INPP5A: variants seen among roughly 807,000 people sequenced by gnomAD.
INPP5A encodes inositol polyphosphate-5-phosphatase A.
In INPP5A, 14 loss-of-function variants were observed where a neutral mutation model predicts 65.2. The ratio of observed to expected loss-of-function variants is 0.21; its 90% confidence interval spans 0.14 to 0.34. The LOEUF (loss-of-function observed/expected upper bound fraction) is 0.34. Ranked by LOEUF, INPP5A falls within the 10% of genes least tolerant of loss-of-function variation. The probability of loss-of-function intolerance (pLI) is 1.00; values close to 1 mark genes in which losing one functional copy is unlikely to be tolerated. For synonymous variants in INPP5A, 207 were observed against 208.3 expected (o/e 0.99, Z 0.05); for missense variants, 431 against 545.6 (o/e 0.79, Z 2.09).
intron 2 of INPP5A, among the ~76,000 whole-genome samples, chr10:132,645,517 G>T (rs986251924): frequency 2.6e-5 from 4 of 152,248 alleles, no homozygotes; most frequent in African/African-American, 9.6e-5. Context: ...TGGTGAGATT[G>T]TGACCAGTTG....
At chr10:132,561,722 CCACACACACACACACACA>C (rs35335535) in intron 1 of INPP5A, among the ~76,000 whole-genome samples, 11 of 142,314 alleles carry the variant, frequency 7.7e-5, no homozygotes, top group African/African-American at 2.3e-4. Flanking sequence ...TTGTCAATTT[CCACACACACACACACACA>C]CACACACACA....
intron 4 of INPP5A, among the ~76,000 whole-genome samples, chr10:132,652,951 A>T (rs2133402488): frequency 6.6e-6 from 1 of 152,252 alleles, no homozygotes; most frequent in African/African-American, 2.4e-5. Context: ...GAGGCTCTGC[A>T]CCGCAGGAGG....
chr10:132,723,091 C>A (rs192992601), intron 8 of INPP5A, among the ~76,000 whole-genome samples: 4 of 152,152 alleles, frequency 2.6e-5, no homozygotes, highest in Non-Finnish European at 5.9e-5. Flanking sequence ...CAGAGCAGGG[C>A]GAGGAAGTGT....
chr10:132,755,688 G>T (rs115691890), intron 11 of INPP5A, among the ~76,000 whole-genome samples: 2 of 152,162 alleles, frequency 1.3e-5, no homozygotes, highest in Non-Finnish European at 2.9e-5. Context: ...GTGGGTGTGT[G>T]TGGGGGGTGG....
At chr10:132,577,210 C>T (rs1438237435) in intron 1 of INPP5A, among the ~76,000 whole-genome samples, 1 of 152,170 alleles carries the variant, frequency 6.6e-6, no homozygotes, top group Non-Finnish European at 1.5e-5. Flanking sequence ...GCCCTGAGTG[C>T]AGGTGGGTTG....
rs888484814 is a variant in INPP5A at position 132,616,303 on chromosome 10, G to C, written c.117+8347G>C. Among the ~76,000 whole-genome samples, 1 of 152,256 alleles carries C rather than the reference G, an allele frequency of 6.6e-6. No individual in the cohort carries two copies. The highest frequency in any genetic ancestry group is 1.5e-5 in the Non-Finnish European group (1 of 68,044). On this transcript the variant is annotated intron_variant, in intron 2 of 15. Transcript: ENST00000368594. The surrounding 1 kb of genome is among the most constrained non-coding windows in gnomAD (Gnocchi z 4.9). Reference sequence around the variant, plus strand: ...CCAAGGGAGGACCACAGTGGCAGATGTGCAGTGTGGGGCATGTGGCGTGCA... The same window carrying C: ...CCAAGGGAGGACCACAGTGGCAGATCTGCAGTGTGGGGCATGTGGCGTGCA...
chr10:132,755,286 T>C (rs539591925), intron 11 of INPP5A, among the ~76,000 whole-genome samples: 1 of 140,282 alleles, frequency 7.1e-6, no homozygotes, highest in South Asian at 2.4e-4. Flanking sequence ...TTCATGAGCG[T>C]GTGTGTGAGC....
intron 11 of INPP5A, among the ~76,000 whole-genome samples, chr10:132,764,190 A>C (rs1347276776): frequency 6.6e-6 from 1 of 152,260 alleles, no homozygotes; most frequent in African/African-American, 2.4e-5. Flanking sequence ...GACTGTGTGC[A>C]TGAGGCTGCT....
chr10:132,691,847 CGGTCGCGGGAGACGTGT>C (rs1216666144), intron 5 of INPP5A, among the ~76,000 whole-genome samples: 86 of 144,822 alleles, frequency 5.9e-4, no homozygotes, highest in Admixed American at 1.7e-3. Flanking sequence ...GGGAGACGTG[CGGTCGCGGGAGACGTGT>C]GGTCGCGGGA....
intron 8 of INPP5A, among the ~76,000 whole-genome samples, chr10:132,719,419 C>T (rs1484188160): frequency 6.8e-5 from 10 of 148,112 alleles, no homozygotes; most frequent in East Asian, 2.0e-4. Flanking sequence ...GCACCTTAGA[C>T]GGCTGTCTTC....
At chr10:132,647,150 C>T (rs1483147694) in intron 3 of INPP5A, among the ~76,000 whole-genome samples, 7 of 148,558 alleles carry the variant, frequency 4.7e-5, no homozygotes, top group Non-Finnish European at 1.0e-4. Context: ...GAGTCTCGCT[C>T]TGTTGCCCAG....
intron 2 of INPP5A, among the ~76,000 whole-genome samples, chr10:132,645,041 C>T (rs1270087435): frequency 6.6e-6 from 1 of 152,182 alleles, no homozygotes; most frequent in Admixed American, 6.5e-5. Context: ...CTCAGAGCCT[C>T]ATGGTGGAAG....
chr10:132,781,685 C>G (rs914119297), intron 14 of INPP5A, among the ~76,000 whole-genome samples, 176 bp from the exon 15 acceptor site: 5 of 152,214 alleles, frequency 3.3e-5, no homozygotes, highest in Non-Finnish European at 7.3e-5. Context: ...CCAACCCCTG[C>G]GCTGCCGTGG....
rs962309903 is a variant in INPP5A, at chr10:132,587,639, C to T, written c.76-20276C>T. 3.3e-5 allele frequency among the ~76,000 whole-genome samples: 5 copies of T among 152,164 alleles called. No individual in the cohort carries two copies. Among genetic ancestry groups the T allele is most frequent in the Admixed American group, 1.3e-4 (2 of 15,268 alleles). Reference sequence around the variant, plus strand: ...TGCTCAGAAGCTAGCCAGAGGATTCCGTTCAGAAACGGGGCCTGTAGATAA... The same window carrying T: ...TGCTCAGAAGCTAGCCAGAGGATTCTGTTCAGAAACGGGGCCTGTAGATAA... On this transcript the variant is annotated intron_variant, in intron 1 of 15. Coordinates refer to ENST00000368594, the MANE Select transcript of INPP5A (RefSeq NM_005539.5). The surrounding 1 kb of genome is among the most constrained non-coding windows in gnomAD (Gnocchi z 4.3).
intron 1 of INPP5A, among the ~76,000 whole-genome samples, chr10:132,542,044 C>T (rs72854967): frequency 0.018 from 2,753 of 152,360 alleles, 36 homozygotes; most frequent in Middle Eastern, 0.048. Context: ...GCTTTTGGTT[C>T]CTTCCATTTT....
intron 9 of INPP5A, among the ~76,000 whole-genome samples, chr10:132,728,686 A>G (rs564487235): frequency 2.0e-5 from 3 of 152,362 alleles, no homozygotes; most frequent in Non-Finnish European, 4.4e-5. Context: ...AAGCCGATCA[A>G]TCCCGGGCGC....
chr10:132,764,440 G>C (rs1360351155), intron 11 of INPP5A, among the ~76,000 whole-genome samples: 1 of 149,762 alleles, frequency 6.7e-6, no homozygotes, highest in South Asian at 2.1e-4. Flanking sequence ...TGCTGCGGTG[G>C]GAGGGTGTGC....
intron 2 of INPP5A, among the ~76,000 whole-genome samples, chr10:132,613,484 A>G (rs1449530474): frequency 6.6e-6 from 1 of 152,248 alleles, no homozygotes; most frequent in Non-Finnish European, 1.5e-5. Context: ...AAAATAATGA[A>G]TGATGGTTTG....
At chr10:132,746,404 G>A (rs1214571518) in intron 9 of INPP5A, among the ~76,000 whole-genome samples, 1 of 152,220 alleles carries the variant, frequency 6.6e-6, no homozygotes, top group African/African-American at 2.4e-5. Context: ...AGCTCCCAAC[G>A]TGAGACCAAC....
Sources: gnomAD v4.1 joint callset for allele counts (sites outside exome capture counted in the v4.1 genomes callset) on GRCh38, gnomAD v4.1.1 for gene constraint, Gnocchi (gnomAD v3.1) non-coding constraint, MANE v1.5 for transcripts, NCBI Gene and HGNC (gene_info 2026-07-23, HGNC 2026-07-21) for gene names.